The following CCR5AS variants were observed in gnomAD, a reference collection of about 807,000 sequenced individuals.
CCR5AS encodes the protein CCR5 antisense RNA.
intron 1 of CCR5AS, among the ~76,000 whole-genome samples, chr3:46,399,273 A>G (rs546171853): frequency 7.2e-5 from 11 of 152,284 alleles, no homozygotes; most frequent in East Asian, 1.9e-4. Flanking sequence ...CTTCCTGTTC[A>G]TGGGCACTTG....
At chr3:46,394,976 G>A (rs112709339) in intron 1 of CCR5AS, among the ~76,000 whole-genome samples, 47,336 of 151,858 alleles carry the variant, frequency 0.31, 9,221 homozygotes, top group African/African-American at 0.55. Context: ...TGCCCCTGGC[G>A]ATGTGGAGAC....
intron 2 of CCR5AS, chr3:46,373,284 C>A (rs201179081): frequency 6.8e-6 from 11 of 1,614,028 alleles, no homozygotes; most frequent in Non-Finnish European, 5.9e-6. Context: ...CGATAGGTAC[C>A]TGGCTGTCGT....
At chr3:46,380,679 C>T (rs1350521519) in intron 2 of CCR5AS, among the ~76,000 whole-genome samples, 2 of 152,208 alleles carry the variant, frequency 1.3e-5, no homozygotes, top group African/African-American at 2.4e-5. Flanking sequence ...AGTAGGAGCA[C>T]TCGTGACTCC....
chr3:46,382,253 A>G (rs1701823754), intron 2 of CCR5AS, among the ~76,000 whole-genome samples: 1 of 152,196 alleles, frequency 6.6e-6, no homozygotes, highest in East Asian at 1.9e-4. Context: ...TCTGCATAAT[A>G]AAAGATTAGG....
chr3:46,368,228 A>G (rs1331737691), intron 3 of CCR5AS, among the ~76,000 whole-genome samples: 1 of 152,224 alleles, frequency 6.6e-6, no homozygotes, highest in Admixed American at 6.5e-5. Flanking sequence ...CAATATGGGC[A>G]TGGAGTCTAG....
At chr3:46,401,352 A>AGATACAGATTTGG (rs1222796212) in intron 1 of CCR5AS, among the ~76,000 whole-genome samples, 1 of 152,074 alleles carries the variant, frequency 6.6e-6, no homozygotes. Flanking sequence ...TGTTAGTCCA[A>AGATACAGATTTGG]ATCTTTCAAG....
At chr3:46,395,208 T>A (rs1229234527) in intron 1 of CCR5AS, among the ~76,000 whole-genome samples, 1 of 152,066 alleles carries the variant, frequency 6.6e-6, no homozygotes, top group African/African-American at 2.4e-5. Flanking sequence ...GCACTGGTTT[T>A]AGGATGTGGG....
At chr3:46,391,567 A>G (rs1303215912) in intron 2 of CCR5AS, among the ~76,000 whole-genome samples, 1 of 152,194 alleles carries the variant, frequency 6.6e-6, no homozygotes, top group Non-Finnish European at 1.5e-5. Flanking sequence ...CTGGGTTTTC[A>G]TATTTGATGA....
At chr3:46,364,693 T>C (rs1269978714) in exon 4 of CCR5AS, among the ~76,000 whole-genome samples, 2 of 152,142 alleles carry the variant, frequency 1.3e-5, no homozygotes, top group Non-Finnish European at 2.9e-5. Flanking sequence ...GTGATTCCAT[T>C]GATGGATCTG....
chr3:46,373,216 C>T (rs2106747198), intron 2 of CCR5AS: 1 of 1,614,186 alleles, frequency 6.2e-7, no homozygotes, highest in Non-Finnish European at 8.5e-7. Context: ...CAACTCTTGA[C>T]AGGGCTCTAT....
At chr3:46,401,370 ACCCAAG>A (rs1260534163) in intron 1 of CCR5AS, among the ~76,000 whole-genome samples, 228 of 152,314 alleles carry the variant, frequency 1.5e-3, no homozygotes, top group African/African-American at 5.3e-3. Context: ...AAGATACAGA[ACCCAAG>A]GTGGGGTCTG....
At chr3:46,401,148 G>A (rs933613632) in intron 1 of CCR5AS, among the ~76,000 whole-genome samples, 1 of 152,188 alleles carries the variant, frequency 6.6e-6, no homozygotes, top group African/African-American at 2.4e-5. Context: ...ATGAGCTGAG[G>A]AGTTGGCCAA....
At chr3:46,391,655 C>G (rs111961837) in intron 2 of CCR5AS, among the ~76,000 whole-genome samples, 1 of 152,020 alleles carries the variant, frequency 6.6e-6, no homozygotes, top group Non-Finnish European at 1.5e-5. Flanking sequence ...ATGCCTTTAG[C>G]TCTAGCCACC....
intron 2 of CCR5AS, among the ~76,000 whole-genome samples, chr3:46,387,872 G>A (rs756950033): frequency 1.3e-4 from 20 of 152,250 alleles, no homozygotes; most frequent in East Asian, 7.7e-4. Context: ...GTCCTCTTGC[G>A]GGTACAGGCG....
chr3:46,400,246 C>A (rs1701995580), intron 1 of CCR5AS, among the ~76,000 whole-genome samples: 1 of 152,210 alleles, frequency 6.6e-6, no homozygotes, highest in Non-Finnish European at 1.5e-5. Flanking sequence ...CCACCTCGGC[C>A]TCCCAAAGTG....
At chr3:46,373,220 G>A (rs1484167400) in intron 2 of CCR5AS, 2 of 1,614,132 alleles carry the variant, frequency 1.2e-6, no homozygotes, top group South Asian at 2.2e-5. Flanking sequence ...TCTTGACAGG[G>A]CTCTATTTTA....
chr3:46,382,795 A>T (rs1420360924), intron 2 of CCR5AS, among the ~76,000 whole-genome samples: 2 of 152,222 alleles, frequency 1.3e-5, no homozygotes, highest in Non-Finnish European at 2.9e-5. Context: ...TATTATAAAT[A>T]ATAAATATTA....
chr3:46,392,347 G>T (rs1346243407), intron 2 of CCR5AS, among the ~76,000 whole-genome samples: 1 of 152,160 alleles, frequency 6.6e-6, no homozygotes, highest in Non-Finnish European at 1.5e-5. Flanking sequence ...GAGAGGTCAG[G>T]TGTTAGTCAA....
intron 1 of CCR5AS, among the ~76,000 whole-genome samples, chr3:46,397,061 A>G (rs1033736886): frequency 2.6e-5 from 4 of 152,192 alleles, no homozygotes; most frequent in African/African-American, 7.2e-5. Flanking sequence ...TTAGGAGGAA[A>G]GGAGGAGTGG....
Sources: gnomAD v4.1 joint callset for allele counts (sites outside exome capture counted in the v4.1 genomes callset) on GRCh38, gnomAD v4.1.1 for gene constraint, MANE v1.5 for transcripts, NCBI Gene and HGNC (gene_info 2026-07-23, HGNC 2026-07-21) for gene names.